GRM7: variants seen among roughly 807,000 people sequenced by gnomAD.
GRM7 encodes the protein glutamate metabotropic receptor 7.
GRM7 carries 35 observed loss-of-function variants against 84.5 expected under a neutral mutation model. That is an observed-to-expected ratio of 0.41 (90% CI 0.32 to 0.55). The LOEUF (loss-of-function observed/expected upper bound fraction) is 0.55, where lower values mean the gene tolerates loss of function less well. GRM7 is among the 20% of genes least tolerant of loss of function. The pLI, the probability that GRM7 is intolerant of heterozygous loss-of-function variation, is 0.19. For missense variants in GRM7, 1,003 were observed against 1,194.6 expected (o/e 0.84, Z 2.36); for synonymous variants, 487 against 455.1 (o/e 1.07, Z -0.89).
intron 1 of GRM7, among the ~76,000 whole-genome samples, chr3:6,984,692 T>C (rs1004126796): frequency 1.3e-5 from 2 of 152,214 alleles, no homozygotes; most frequent in African/African-American, 4.8e-5. Flanking sequence ...TGAATGTTTT[T>C]TTTTAGCCTT....
chr3:7,140,093 A>G (rs913385528), intron 1 of GRM7, among the ~76,000 whole-genome samples: 1 of 152,050 alleles, frequency 6.6e-6, no homozygotes, highest in Non-Finnish European at 1.5e-5. Flanking sequence ...AATCAAGACC[A>G]CAATGTGATA....
chr3:6,991,096 GCA>G (rs138208466), intron 1 of GRM7, among the ~76,000 whole-genome samples: 5 of 151,600 alleles, frequency 3.3e-5, no homozygotes, highest in African/African-American at 9.7e-5. Context: ...ATACATACAT[GCA>G]CACACACACA....
At chr3:7,147,560 A>G (rs375882766) in intron 2 of GRM7, among the ~76,000 whole-genome samples, 8 of 152,302 alleles carry the variant, frequency 5.3e-5, no homozygotes, top group Admixed American at 3.9e-4. Context: ...AGAGAGCTCC[A>G]TGTTATGAGG....
At chr3:7,510,910 G>T (rs1340560371) in intron 7 of GRM7, among the ~76,000 whole-genome samples, 2 of 152,076 alleles carry the variant, frequency 1.3e-5, no homozygotes, top group African/African-American at 2.4e-5. Context: ...GACTGAGAAC[G>T]CACATCAGAA....
At chr3:7,121,848 G>A (rs1183398274) in intron 1 of GRM7, among the ~76,000 whole-genome samples, 2 of 152,180 alleles carry the variant, frequency 1.3e-5, no homozygotes, top group Non-Finnish European at 2.9e-5. Context: ...GCAAGGTGGG[G>A]CCTCAAAAGA....
chr3:7,437,378 A>C (rs993839449), intron 5 of GRM7, among the ~76,000 whole-genome samples: 1 of 152,172 alleles, frequency 6.6e-6, no homozygotes, highest in African/African-American at 2.4e-5. Context: ...AGCTTTCTAC[A>C]AAATAATCTA....
At chr3:6,885,864 T>C (rs1695672676) in intron 1 of GRM7, among the ~76,000 whole-genome samples, 1 of 152,222 alleles carries the variant, frequency 6.6e-6, no homozygotes, top group Admixed American at 6.5e-5. Flanking sequence ...ATATCACTTA[T>C]TGAAGGTCTC....
At chr3:7,083,603 A>G (rs746275179) in intron 1 of GRM7, among the ~76,000 whole-genome samples, 1 of 152,116 alleles carries the variant, frequency 6.6e-6, no homozygotes, top group Admixed American at 6.6e-5. Context: ...GCATTCATTT[A>G]TGTTTTCACT....
At chr3:7,531,121 A>T (rs1701020651) in intron 7 of GRM7, among the ~76,000 whole-genome samples, 1 of 152,132 alleles carries the variant, frequency 6.6e-6, no homozygotes, top group African/African-American at 2.4e-5. Context: ...TAATTTTTGT[A>T]TAAGGTGTAA....
chr3:7,525,318 A>G (rs1399499867), intron 7 of GRM7, among the ~76,000 whole-genome samples: 2 of 152,112 alleles, frequency 1.3e-5, no homozygotes, highest in African/African-American at 4.8e-5. Context: ...TCTGGTGTTA[A>G]AAATACAGTG....
chr3:7,387,331 T>G (rs1244619847), intron 4 of GRM7, among the ~76,000 whole-genome samples: 2 of 152,198 alleles, frequency 1.3e-5, no homozygotes, highest in Admixed American at 1.3e-4. Flanking sequence ...TTGTTCCATT[T>G]CCTTTTGGGG....
intron 2 of GRM7, among the ~76,000 whole-genome samples, chr3:7,255,197 T>A (rs1698150652): frequency 6.6e-6 from 1 of 152,194 alleles, no homozygotes; most frequent in Admixed American, 6.5e-5. Flanking sequence ...CAGTTTCCCA[T>A]CTATGAAATA....
At chr3:7,560,426 A>T (rs751009873) in intron 7 of GRM7, 6 of 151,384 alleles carry the variant, frequency 4.0e-5, no homozygotes, top group Non-Finnish European at 8.8e-5. Context: ...CTTTCTCTCC[A>T]CTCTCACGCA....
intron 1 of GRM7, among the ~76,000 whole-genome samples, chr3:6,965,103 T>G (rs1433792913): frequency 2.0e-5 from 3 of 152,118 alleles, no homozygotes; most frequent in African/African-American, 7.2e-5. Context: ...ATGCTGCTTC[T>G]CTGGTACTCA....
rs768084699 is a variant in GRM7, at chr3:6,886,337, G to A, written c.519+24430G>A. Among the ~76,000 whole-genome samples the A allele has an allele frequency of 1.0e-3, 153 of 152,098 alleles. 1 individual carries two copies. Among genetic ancestry groups the A allele is most frequent in the Non-Finnish European group, 1.0e-3 (68 of 68,030 alleles). On this transcript the variant is annotated intron_variant, in intron 1 of 9. Transcript: ENST00000357716. ...GAGCATCACACACCCACACACCGGG[G>A]CCTGTTTGGGAGTGAGGGGCTGGGG...
intron 9 of GRM7, among the ~76,000 whole-genome samples, chr3:7,726,611 CTCTATA>C (rs1702137148): frequency 4.3e-5 from 3 of 70,450 alleles, no homozygotes; most frequent in East Asian, 3.7e-4. Flanking sequence ...CTCTCTCTCC[CTCTATA>C]TATATATATA....
chr3:6,950,492 G>A (rs535449445), intron 1 of GRM7, among the ~76,000 whole-genome samples: 1 of 152,210 alleles, frequency 6.6e-6, no homozygotes, highest in Non-Finnish European at 1.5e-5. Context: ...CAGTTAGGCT[G>A]CTGGGGGGTC....
intron 1 of GRM7, among the ~76,000 whole-genome samples, chr3:6,952,080 A>C (rs1414389161): frequency 6.6e-6 from 1 of 151,692 alleles, no homozygotes. Flanking sequence ...TTTGTTTTCT[A>C]TTTGTTTCAG....
At chr3:7,252,798 C>A (rs1698047209) in intron 2 of GRM7, among the ~76,000 whole-genome samples, 1 of 151,280 alleles carries the variant, frequency 6.6e-6, no homozygotes, top group African/African-American at 2.4e-5. Context: ...AACTGATTTT[C>A]CTGCCTCAGC....
Sources: allele counts gnomAD v4.1 joint callset (sites outside exome capture counted in the v4.1 genomes callset), GRCh38; gene constraint gnomAD v4.1.1; transcripts MANE v1.5; gene names NCBI Gene and HGNC (gene_info 2026-07-23, HGNC 2026-07-21).